SBK1: variants seen among roughly 807,000 people sequenced by gnomAD.
The protein encoded by SBK1 is SH3 domain binding kinase 1, also known as serine/threonine-protein kinase SBK1.
SBK1 carries 11 observed loss-of-function variants against 24.4 expected under a neutral mutation model. That is an observed-to-expected ratio of 0.45 (90% CI 0.28 to 0.75). The LOEUF is 0.75. SBK1 is among the 30% of genes least tolerant of loss of function. The probability of loss-of-function intolerance (pLI) is 0.12; values close to 1 mark genes in which losing one functional copy is unlikely to be tolerated. For missense variants in SBK1, 467 were observed against 620.5 expected (o/e 0.75, Z 2.63); for synonymous variants, 308 against 284.4 (o/e 1.08, Z -0.83).
upstream of SBK1, chr16:28,292,392 C>A: frequency 3.3e-6 from 1 of 299,348 alleles, no homozygotes; most frequent in Non-Finnish European, 4.7e-6. Flanking sequence ...GGCGGGCGCG[C>A]GGCGGGTGAG....
chr16:28,309,047 A>T (rs1474569614), intron 1 of SBK1, among the ~76,000 whole-genome samples: 2 of 151,958 alleles, frequency 1.3e-5, no homozygotes, highest in Non-Finnish European at 2.9e-5. Flanking sequence ...GCCAAACATG[A>T]TCGAAGTTTC....
At chr16:28,287,049 C>T (rs1432383129) in intron 1 of SBK1, 5 of 150,198 alleles carry the variant, frequency 3.3e-5, no homozygotes, top group African/African-American at 9.8e-5. Context: ...GAGCCGAGAT[C>T]GCATCATTGC....
chr16:28,313,459 TGG>T (rs1343961925), intron 1 of SBK1, among the ~76,000 whole-genome samples: 4 of 150,926 alleles, frequency 2.7e-5, no homozygotes, highest in Non-Finnish European at 5.9e-5. Context: ...TAGCCAGGTG[TGG>T]TGGCGTACAC....
At chr16:28,264,898 C>G (rs567220454) in intron 1 of SBK1, among the ~76,000 whole-genome samples, 1 of 152,096 alleles carries the variant, frequency 6.6e-6, no homozygotes, top group African/African-American at 2.4e-5. Flanking sequence ...CCTGGGCAGT[C>G]ACGGAAACCA....
intron 1 of SBK1, among the ~76,000 whole-genome samples, chr16:28,275,690 G>A (rs1424218826): frequency 6.6e-6 from 1 of 152,066 alleles, no homozygotes; most frequent in East Asian, 1.9e-4. Context: ...GACCAGCCTT[G>A]GCAACATGAC....
At chr16:28,282,238 T>G (rs2141568485) in intron 1 of SBK1, among the ~76,000 whole-genome samples, 1 of 152,176 alleles carries the variant, frequency 6.6e-6, no homozygotes, top group South Asian at 2.1e-4. Context: ...AGGTTAGACA[T>G]CAGGTGGGAC....
rs370428717 is a variant in SBK1 at position 28,317,628 on chromosome 16, G to A, written c.226+11G>A. The A allele has an allele frequency of 1.2e-5, 19 of 1,574,012 alleles. No individual in the cohort carries two copies. Among genetic ancestry groups the A allele is most frequent in the Non-Finnish European group, 1.7e-5 (19 of 1,143,330 alleles). On this transcript the variant is annotated intron_variant, in intron 2 of 3. Coordinates refer to ENST00000341901, the MANE Select transcript of SBK1 (RefSeq NM_001024401.3). This position sits in a 1 kb window ranked among gnomAD's most constrained non-coding sequence, Gnocchi z 4.2. ...TCTACAAGGGCACAGGTGAACAAGT[G>A]CAGGGTGGCAGGGCTGAGAGGTTGG...
intron 1 of SBK1, among the ~76,000 whole-genome samples, chr16:28,311,350 G>A (rs768532202): frequency 2.6e-5 from 4 of 152,126 alleles, no homozygotes; most frequent in Non-Finnish European, 5.9e-5. Flanking sequence ...GGAGGAGTGA[G>A]ACCTGGCGAT....
Position 28,322,068 on chromosome 16 carries a change from A to C in SBK1, c.*1147A>C, listed in dbSNP as rs2044853504. 1 of 152,578 alleles carries C rather than the reference A, an allele frequency of 6.6e-6. No homozygotes were observed. 9.5% of individuals were successfully genotyped at this position (152,578 alleles called of 1,614,324 possible). ...CGTAGGACCTGCATGTGTGGGTGTG[A>C]GAATGGGGGCGGTGGACACCAGGGG... On this transcript the variant is annotated 3_prime_UTR_variant, in exon 4 of 4. Transcript: ENST00000341901.
At chr16:28,295,440 C>T (rs573245933) in intron 1 of SBK1, among the ~76,000 whole-genome samples, 10 of 152,074 alleles carry the variant, frequency 6.6e-5, no homozygotes, top group Non-Finnish European at 1.2e-4. Context: ...TGAGCTGGCA[C>T]GTAGTAGAGA....
At chr16:28,270,128 G>T (rs1275977070) in intron 1 of SBK1, among the ~76,000 whole-genome samples, 1 of 151,578 alleles carries the variant, frequency 6.6e-6, no homozygotes, top group Non-Finnish European at 1.5e-5. Flanking sequence ...GTGCAGTGGC[G>T]TGATCTCCAC....
chr16:28,319,208 T>C lies in SBK1; in HGVS notation c.429+11T>C. 1 of 1,609,506 alleles carries C rather than the reference T, an allele frequency of 6.2e-7. No homozygotes were observed. The highest frequency in any genetic ancestry group is 8.5e-7 in the Non-Finnish European group (1 of 1,175,894). ...ATCATCCCTCCCCAGGTACTCGGGA[T>C]GGTGGCATAGGGTGGGGAAAGGGTC... is the stretch of plus-strand genomic sequence containing the variant. On this transcript the variant is annotated intron_variant, in intron 3 of 3. Coordinates refer to ENST00000341901, the MANE Select transcript of SBK1 (RefSeq NM_001024401.3). This position sits in a 1 kb window ranked among gnomAD's most constrained non-coding sequence, Gnocchi z 4.0.
intron 1 of SBK1, among the ~76,000 whole-genome samples, chr16:28,315,300 G>A (rs1025184094): frequency 3.3e-5 from 5 of 152,284 alleles, no homozygotes; most frequent in Middle Eastern, 3.4e-3. Flanking sequence ...TGGTCTCGAC[G>A]GCAGGGATGT....
At chr16:28,312,410 C>T (rs1311749223) in intron 1 of SBK1, among the ~76,000 whole-genome samples, 3 of 152,154 alleles carry the variant, frequency 2.0e-5, no homozygotes, top group Admixed American at 6.6e-5. Context: ...CAGGGAAAGA[C>T]GATCACGCGG....
intron 1 of SBK1, among the ~76,000 whole-genome samples, chr16:28,306,323 C>T (rs1035155714): frequency 2.0e-5 from 3 of 152,174 alleles, no homozygotes; most frequent in Admixed American, 6.6e-5. Context: ...GAGAGATTTC[C>T]GATGACTTTG....
At chr16:28,316,676 T>C (rs1347695564) in intron 1 of SBK1, among the ~76,000 whole-genome samples, 1 of 152,144 alleles carries the variant, frequency 6.6e-6, no homozygotes, top group African/African-American at 2.4e-5. Context: ...GTAACAAGCC[T>C]GCACATCCTG....
intron 1 of SBK1, among the ~76,000 whole-genome samples, chr16:28,298,564 C>T (rs187637783): frequency 2.4e-4 from 37 of 152,328 alleles, no homozygotes; most frequent in Non-Finnish European, 3.8e-4. Flanking sequence ...ATAATAGCTG[C>T]CACTTCCTAA....
chr16:28,319,850 A>G lies in SBK1; in HGVS notation c.430-226A>G, dbSNP rs1052349987. Among the ~76,000 whole-genome samples the G allele has an allele frequency of 6.6e-6, 1 of 152,058 alleles. No individual in the cohort carries two copies. The highest frequency in any genetic ancestry group is 1.5e-5 in the Non-Finnish European group (1 of 67,974). On this transcript the variant is annotated intron_variant, in intron 3 of 3. Transcript: ENST00000341901. This position sits in a 1 kb window ranked among gnomAD's most constrained non-coding sequence, Gnocchi z 4.0. The stretch of plus-strand genomic sequence containing the variant: ...GCCGCGTGTCCCTCCTGGAGCCCCG[A>G]TGTCCCCATAGGAGAAGCAGGCATG...
At chr16:28,314,230 C>A (rs903757167) in intron 1 of SBK1, among the ~76,000 whole-genome samples, 1 of 151,554 alleles carries the variant, frequency 6.6e-6, no homozygotes, top group East Asian at 1.9e-4. Flanking sequence ...GATCATAGCT[C>A]ACTGCAGCCT....
Sources: allele counts gnomAD v4.1 joint callset (sites outside exome capture counted in the v4.1 genomes callset), GRCh38; gene constraint gnomAD v4.1.1; non-coding constraint Gnocchi (gnomAD v3.1); transcripts MANE v1.5; gene names NCBI Gene and HGNC (gene_info 2026-07-23, HGNC 2026-07-21).